CSMD1: variants seen among roughly 807,000 people sequenced by gnomAD.
CSMD1 encodes the protein CUB and Sushi multiple domains 1.
CSMD1 carries 213 observed loss-of-function variants against 417.5 expected under a neutral mutation model. The observed-to-expected ratio is 0.51, with a 90% CI of 0.46 to 0.57. CSMD1 has a LOEUF of 0.57. Among genes scored for constraint, CSMD1 ranks in the 20% least tolerant of loss-of-function variants. CSMD1 has a pLI of 0.00. For missense variants in CSMD1, 6,923 were observed against 4,529.7 expected (o/e 1.53, Z -15.17); for synonymous variants, 2,862 against 1,736.8 (o/e 1.65, Z -16.11).
intron 3 of CSMD1, among the ~76,000 whole-genome samples, chr8:4,049,486 T>G (rs1273204079): frequency 6.6e-6 from 1 of 151,680 alleles, no homozygotes; most frequent in African/African-American, 2.4e-5. Flanking sequence ...CCATGCATAT[T>G]TGAATCCCCT....
chr8:4,966,287 G>C (rs1050040769), intron 1 of CSMD1, among the ~76,000 whole-genome samples: 2 of 151,940 alleles, frequency 1.3e-5, no homozygotes, highest in African/African-American at 2.4e-5. Flanking sequence ...GCTGAGGCAG[G>C]AGGATCACTT....
chr8:4,727,225 G>C lies in CSMD1; in HGVS notation c.86-89667C>G, dbSNP rs538458873. 7.9e-5 allele frequency among the ~76,000 whole-genome samples: 12 copies of C among 152,250 alleles called. No homozygotes were observed. The South Asian group carries it at 2.5e-3, about 32-fold the overall frequency. On this transcript the variant is annotated intron_variant, in intron 1 of 69. Coordinates refer to ENST00000635120, the MANE Select transcript of CSMD1 (RefSeq NM_033225.6). Reference sequence around the variant, plus strand: ...TGATCAATGATGAAGAGTCCACTCAGCAGGGCACCCAAGCATTTCTGTTTT... The same window carrying C: ...TGATCAATGATGAAGAGTCCACTCACCAGGGCACCCAAGCATTTCTGTTTT...
intron 1 of CSMD1, among the ~76,000 whole-genome samples, chr8:4,960,233 A>G (rs1380739470): frequency 6.6e-6 from 1 of 152,224 alleles, no homozygotes; most frequent in East Asian, 1.9e-4. Flanking sequence ...GATGAAATAC[A>G]AATAATATCT....
chr8:3,747,866 G>A lies in CSMD1; in HGVS notation c.931+6064C>T, dbSNP rs1484727510. Among the ~76,000 whole-genome samples, 5 of 152,222 alleles carry A rather than the reference G, an allele frequency of 3.3e-5. No individual in the cohort carries two copies. In the East Asian group the frequency reaches 7.7e-4, roughly 24 times the overall value. On this transcript the variant is annotated intron_variant, in intron 6 of 69. Transcript: ENST00000635120. ...GTTTGTTTTAGTTGCTTTGGGCTGG[G>A]GAGGCATTGAGTCTGAGGAAGGTCC...
At chr8:4,261,358 T>C (rs973494407) in intron 3 of CSMD1, among the ~76,000 whole-genome samples, 2 of 152,178 alleles carry the variant, frequency 1.3e-5, no homozygotes, top group Admixed American at 6.5e-5. Flanking sequence ...TCTAAGAACA[T>C]CTTCTCAGAA....
At chr8:4,417,268 T>C (rs1462445347) in intron 3 of CSMD1, among the ~76,000 whole-genome samples, 1 of 152,040 alleles carries the variant, frequency 6.6e-6, no homozygotes. Context: ...CTATTTTAAT[T>C]TGTTTCTATT....
In CSMD1 at chr8:4,788,308, A is replaced by C. The variant is rs1797517625; in HGVS notation, c.86-150750T>G. On this transcript the variant is annotated intron_variant, in intron 1 of 69. Coordinates refer to ENST00000635120, the MANE Select transcript of CSMD1 (RefSeq NM_033225.6). ...TTTGTGGCAGTGGCAGGCAGAAGTA[A>C]TGGTTTGGGACCAGTGATGTCTGGG... The C allele has an allele frequency of 7.6e-6, 12 of 1,579,706 alleles. No individual in the cohort carries two copies. The East Asian group carries it at 2.7e-4, about 36-fold the overall frequency.
At chr8:4,248,498 A>C (rs922591697) in intron 3 of CSMD1, among the ~76,000 whole-genome samples, 1 of 152,210 alleles carries the variant, frequency 6.6e-6, no homozygotes, top group Non-Finnish European at 1.5e-5. Context: ...TGAACTATTC[A>C]TTAATATGTC....
chr8:3,361,942 A>G lies in CSMD1; in HGVS notation c.3116-2602T>C, dbSNP rs76452417. ...CTCTTATATTAATTATCACTTAATC[A>G]TTATTATACAAAGTATATTTGCAAG... On this transcript the variant is annotated intron_variant, in intron 20 of 69. Coordinates refer to ENST00000635120, the MANE Select transcript of CSMD1 (RefSeq NM_033225.6). 7.3e-3 allele frequency among the ~76,000 whole-genome samples: 1,112 copies of G among 152,326 alleles called. 3 individuals carry two copies. Among genetic ancestry groups the G allele is most frequent in the Non-Finnish European group, 0.011 (778 of 68,022 alleles).
intron 2 of CSMD1, among the ~76,000 whole-genome samples, chr8:4,431,481 G>C (rs921983702): frequency 4.6e-5 from 7 of 152,096 alleles, no homozygotes; most frequent in Non-Finnish European, 8.8e-5. Context: ...AGAGAAGAAA[G>C]TAGAGAGACC....
At chr8:4,467,447 A>AC (rs1188228722) in intron 2 of CSMD1, among the ~76,000 whole-genome samples, 1 of 152,070 alleles carries the variant, frequency 6.6e-6, no homozygotes, top group African/African-American at 2.4e-5. Context: ...ATCCTTCTAA[A>AC]CCGTTAATCT....
At chr8:3,274,816 G>A (rs1004669741) in intron 26 of CSMD1, among the ~76,000 whole-genome samples, 1 of 152,118 alleles carries the variant, frequency 6.6e-6, no homozygotes, top group Admixed American at 6.5e-5. Flanking sequence ...TTGAGCCTAT[G>A]TGTGTCTGTA....
chr8:4,437,489 G>A (rs924370974), intron 2 of CSMD1, among the ~76,000 whole-genome samples: 4 of 152,054 alleles, frequency 2.6e-5, no homozygotes, highest in African/African-American at 9.7e-5. Flanking sequence ...TTCCTCTCAA[G>A]ATTTTTATAA....
chr8:4,086,759 C>A (rs1313509377), intron 3 of CSMD1, among the ~76,000 whole-genome samples: 2 of 152,202 alleles, frequency 1.3e-5, no homozygotes, highest in African/African-American at 4.8e-5. Context: ...TCAATTAATT[C>A]TTACATCTTT....
chr8:3,694,053 T>G (rs1800407692), intron 7 of CSMD1, among the ~76,000 whole-genome samples: 1 of 150,314 alleles, frequency 6.7e-6, no homozygotes, highest in Non-Finnish European at 1.5e-5. Context: ...GTGTGTTGTG[T>G]TAGTGTGTGT....
intron 3 of CSMD1, among the ~76,000 whole-genome samples, chr8:4,233,208 A>T (rs1223016025): frequency 6.6e-6 from 1 of 152,110 alleles, no homozygotes; most frequent in Non-Finnish European, 1.5e-5. Flanking sequence ...ATTTTCTTCA[A>T]TTTTTTCTTT....
intron 25 of CSMD1, among the ~76,000 whole-genome samples, chr8:3,304,714 ATTT>A (rs907355803): frequency 4.6e-5 from 3 of 64,614 alleles, no homozygotes; most frequent in African/African-American, 1.1e-4. Context: ...TTATTCAAAT[ATTT>A]TTTTATTTTT....
chr8:3,365,886 T>G (rs1487620698), intron 20 of CSMD1, among the ~76,000 whole-genome samples: 1 of 152,250 alleles, frequency 6.6e-6, no homozygotes, highest in East Asian at 1.9e-4. Flanking sequence ...TAACTCATCT[T>G]ACAGTAACAT....
At chr8:4,473,281 G>C (rs1425124753) in intron 2 of CSMD1, among the ~76,000 whole-genome samples, 1 of 152,132 alleles carries the variant, frequency 6.6e-6, no homozygotes, top group Non-Finnish European at 1.5e-5. Context: ...TTCGGATTTA[G>C]AAATATGACA....
Sources: gnomAD v4.1 joint callset for allele counts (sites outside exome capture counted in the v4.1 genomes callset) on GRCh38, gnomAD v4.1.1 for gene constraint, MANE v1.5 for transcripts, NCBI Gene and HGNC (gene_info 2026-07-23, HGNC 2026-07-21) for gene names.